NRM: variants seen among roughly 807,000 people sequenced by gnomAD.
The protein encoded by NRM is nuclear rim protein.
A neutral mutation model predicts 23.4 loss-of-function variants in NRM; 19 were observed. That is an observed-to-expected ratio of 0.81 (90% confidence interval 0.57 to 1.19). The LOEUF (loss-of-function observed/expected upper bound fraction) is 1.19. Among genes scored for constraint, NRM ranks in the 50% most tolerant of loss-of-function variants. The pLI, the probability that NRM is intolerant of heterozygous loss-of-function variation, is 0.00. For missense variants in NRM, 232 were observed against 329.7 expected, an observed-to-expected ratio of 0.70 and a Z score of 2.30; for synonymous variants, 140 against 143.5, an observed-to-expected ratio of 0.98 and a Z score of 0.17.
Position 30,690,726 on chromosome 6 carries a change from G to A in NRM, c.133+116C>T. ...CTGTAGCTTCTCGGCCGCTTTCAAGGTTCGAGTTCCCTCTCTTGGACTTCC... is the reference window on the plus strand; with the variant it reads ...CTGTAGCTTCTCGGCCGCTTTCAAGATTCGAGTTCCCTCTCTTGGACTTCC... On this transcript the variant is annotated intron_variant, in intron 1 of 3. Coordinates refer to ENST00000376421, the MANE Select transcript of NRM (RefSeq NM_001384369.1). This position sits in a 1 kb window ranked among gnomAD's most constrained non-coding sequence, Gnocchi z 5.5. The A allele has an allele frequency of 6.2e-7, 1 of 1,611,128 alleles. No homozygotes were observed. The highest frequency in any genetic ancestry group is 8.5e-7 in the Non-Finnish European group (1 of 1,179,340).
In NRM at chr6:30,690,743, T is replaced by C. The variant is rs760441650; in HGVS notation, c.133+99A>G. 3.7e-6 allele frequency: 6 copies of C among 1,611,492 alleles called. No homozygotes were observed. The highest frequency in any genetic ancestry group is 2.7e-5 in the African/African-American group (2 of 74,998). On this transcript the variant is annotated intron_variant, in intron 1 of 3. Coordinates refer to ENST00000376421, the MANE Select transcript of NRM (RefSeq NM_001384369.1). This position sits in a 1 kb window ranked among gnomAD's most constrained non-coding sequence, Gnocchi z 5.5. ...CTTTCAAGGTTCGAGTTCCCTCTCT[T>C]GGACTTCCCCTGTCATTTGTTTCCA...
upstream of NRM, chr6:30,691,048 C>A: frequency 6.6e-7 from 1 of 1,515,598 alleles, no homozygotes; most frequent in South Asian, 1.2e-5. Context: ...CGCGGCCCCG[C>A]CCCCGGCTGA....
chr6:30,689,583 C>T lies in NRM; in HGVS notation c.331-131G>A. 1.1e-6 allele frequency: 1 copy of T among 911,354 alleles called. No homozygotes were observed. The highest frequency in any genetic ancestry group is 1.6e-6 in the Non-Finnish European group (1 of 614,736). 56.5% of individuals were successfully genotyped at this position (911,354 alleles called of 1,614,324 possible). On this transcript the variant is annotated intron_variant, in intron 2 of 3. Coordinates refer to ENST00000376421, the MANE Select transcript of NRM (RefSeq NM_001384369.1). The surrounding 1 kb of genome is among the most constrained non-coding windows in gnomAD (Gnocchi z 4.7). ...CCACCTCTCTCCTAAGCATCACCAC[C>T]AAATATTCACCATGTGGAGGGTGCG... is the stretch of plus-strand genomic sequence containing the variant.
Position 30,689,423 on chromosome 6 carries a change from G to A in NRM, c.360C>T (p.Pro120=). The change falls in exon 3 of 4, where the codon CCC becomes CCT. Residue 120 remains proline, a synonymous_variant. Coordinates refer to ENST00000376421, the MANE Select transcript of NRM (RefSeq NM_001384369.1). The surrounding 1 kb of genome is among the most constrained non-coding windows in gnomAD (Gnocchi z 4.7). ...GAGCCTCCCACAACACAGGGCCTTTGGGTATGGGCTCCCAGTACCGCATCA... is the reference window on the plus strand; with the variant it reads ...GAGCCTCCCACAACACAGGGCCTTTAGGTATGGGCTCCCAGTACCGCATCA... ...QLVMRYWEPI[P]KGPVLWEARA... 6.3e-7 allele frequency: 1 copy of A among 1,576,030 alleles called. No individual in the cohort carries two copies. The highest frequency in any genetic ancestry group is 8.6e-7 in the Non-Finnish European group (1 of 1,161,116).
chr6:30,689,438 G>A lies in NRM; in HGVS notation c.345C>T (p.Tyr115=). ...TALALQLVMR[Y]WEPIPKGPVL... The stretch of plus-strand genomic sequence containing the variant: ...CAGGGCCTTTGGGTATGGGCTCCCA[G>A]TACCGCATCACCAGCTGTGGAAGGA... The change falls in exon 3 of 4, where the codon TAC becomes TAT. Residue 115 remains tyrosine (Y), a synonymous_variant. Coordinates refer to ENST00000376421, the MANE Select transcript of NRM (RefSeq NM_001384369.1). This position sits in a 1 kb window ranked among gnomAD's most constrained non-coding sequence, Gnocchi z 4.7. The A allele has an allele frequency of 6.3e-7, 1 of 1,575,156 alleles. No individual in the cohort carries two copies. The highest frequency in any genetic ancestry group is 2.4e-5 in the East Asian group (1 of 42,532).
chr6:30,691,206 CGA>C (rs1037462319), upstream of NRM: 8 of 516,930 alleles, frequency 1.5e-5, no homozygotes, highest in Non-Finnish European at 2.4e-5. Context: ...GTTAGAATCC[CGA>C]GAGAGAGCTG....
Position 30,689,483 on chromosome 6 carries a change from G to T in NRM, c.331-31C>A. On this transcript the variant is annotated intron_variant, in intron 2 of 3. Transcript: ENST00000376421. This position sits in a 1 kb window ranked among gnomAD's most constrained non-coding sequence, Gnocchi z 4.7. The stretch of plus-strand genomic sequence containing the variant: ...GAAGGATAAGGGGCTGGGTATCCCA[G>T]TGGCCTAGTCTGCCCGACCTTGGGA... The T allele has an allele frequency of 1.3e-6, 2 of 1,541,472 alleles. No individual in the cohort carries two copies. The highest frequency in any genetic ancestry group is 1.8e-6 in the Non-Finnish European group (2 of 1,142,742).
Position 30,689,293 on chromosome 6 carries a change from G to A in NRM, c.490C>T (p.Leu164Phe). 1.3e-6 allele frequency: 2 copies of A among 1,554,326 alleles called. No homozygotes were observed. Among genetic ancestry groups the A allele is most frequent in the Non-Finnish European group, 1.7e-6 (2 of 1,148,332 alleles). ...AGCCTCACCTGTTTGAGGCCCATGA[G>A]CTCAGCATAGTCAAAGACGAGAAGG... is the stretch of plus-strand genomic sequence containing the variant. Reference protein sequence around the residue: ...SILLVFDYAELMGLKQVYYHV... With the variant: ...SILLVFDYAEFMGLKQVYYHV... The change falls in exon 3 of 4, where the codon CTC becomes TTC. Residue 164 changes from leucine (L) to phenylalanine (F), a missense_variant. By Grantham distance (22) the Leu-to-Phe change is conservative (BLOSUM62 0). Coordinates refer to ENST00000376421, the MANE Select transcript of NRM (RefSeq NM_001384369.1). The surrounding 1 kb of genome is among the most constrained non-coding windows in gnomAD (Gnocchi z 4.7).
Position 30,690,321 on chromosome 6 carries a change from G to T in NRM, c.134-78C>A. The T allele has an allele frequency of 7.6e-7, 1 of 1,310,984 alleles. No individual in the cohort carries two copies. The highest frequency in any genetic ancestry group is 1.0e-6 in the Non-Finnish European group (1 of 961,596). 81.2% of individuals were successfully genotyped at this position (1,310,984 alleles called of 1,614,324 possible). On this transcript the variant is annotated intron_variant, in intron 1 of 3. Transcript: ENST00000376421. This position sits in a 1 kb window ranked among gnomAD's most constrained non-coding sequence, Gnocchi z 5.5. ...TTTCCCCCACCCTCATCTCCTCTTG[G>T]ATCCCCAGGCCATGTCCCTTACTGC... is the stretch of plus-strand genomic sequence containing the variant.
upstream of NRM, chr6:30,691,187 G>C: frequency 1.8e-6 from 1 of 545,946 alleles, no homozygotes; most frequent in East Asian, 3.0e-5. Context: ...CTCCGTCACA[G>C]AAGGGAATGT....
upstream of NRM, chr6:30,691,145 C>A: frequency 1.5e-6 from 1 of 668,418 alleles, no homozygotes; most frequent in East Asian, 2.8e-5. Context: ...GCTGTGGATC[C>A]GTCCTGGGAT....
At position 30,689,559 on chromosome 6, in the gene NRM, C is replaced by T. The variant is rs546598428; in HGVS notation, c.331-107G>A. On this transcript the variant is annotated intron_variant, in intron 2 of 3. Transcript: ENST00000376421. The surrounding 1 kb of genome is among the most constrained non-coding windows in gnomAD (Gnocchi z 4.7). Reference sequence around the variant, plus strand: ...CACAGGCTAGCCTGCAACTCTCCCCCACCTCTCTCCTAAGCATCACCACCA... The same window carrying T: ...CACAGGCTAGCCTGCAACTCTCCCCTACCTCTCTCCTAAGCATCACCACCA... 102 of 1,111,336 alleles carry T rather than the reference C, an allele frequency of 9.2e-5. No individual in the cohort carries two copies. In the South Asian group the frequency reaches 1.5e-3, roughly 16 times the overall value. 68.8% of individuals were successfully genotyped at this position (1,111,336 alleles called of 1,614,324 possible). A position where few individuals can be genotyped will look rare whatever the true frequency, so the allele number is the denominator to read the frequency against.
rs1771307995 is a variant in NRM, at chr6:30,689,233, TA to T, written c.507+42del. 4 of 1,523,634 alleles carry T rather than the reference TA, an allele frequency of 2.6e-6. No homozygotes were observed. The highest frequency in any genetic ancestry group is 3.5e-6 in the Non-Finnish European group (4 of 1,128,166). 94.4% of individuals were successfully genotyped at this position (1,523,634 alleles called of 1,614,324 possible). A position where few individuals can be genotyped will look rare whatever the true frequency, so the allele number is the denominator to read the frequency against. On this transcript the variant is annotated intron_variant, in intron 3 of 3. Transcript: ENST00000376421. This position sits in a 1 kb window ranked among gnomAD's most constrained non-coding sequence, Gnocchi z 4.7. ...ACCCTTGAAAGGGAACGAGGAGTTC[TA>T]AAATGGGTCAGAGGTCATAGGTAGG... is the stretch of plus-strand genomic sequence containing the variant.
chr6:30,689,232 C>T lies in NRM; in HGVS notation c.507+44G>A, dbSNP rs373896144. On this transcript the variant is annotated intron_variant, in intron 3 of 3. Transcript: ENST00000376421. The surrounding 1 kb of genome is among the most constrained non-coding windows in gnomAD (Gnocchi z 4.7). ...AACCCTTGAAAGGGAACGAGGAGTT[C>T]TAAAATGGGTCAGAGGTCATAGGTA... is the stretch of plus-strand genomic sequence containing the variant. 4 of 1,522,102 alleles carry T rather than the reference C, an allele frequency of 2.6e-6. No homozygotes were observed. The African/African-American group carries it at 5.5e-5, about 21-fold the overall frequency. 94.3% of individuals were successfully genotyped at this position (1,522,102 alleles called of 1,614,324 possible).
Position 30,689,379 on chromosome 6 carries a change from G to A in NRM, c.404C>T (p.Thr135Ile). Residue 135 changes from threonine (T) to isoleucine (I), a missense_variant, in exon 3 of 4, where the codon ACC becomes ATC. Coordinates refer to ENST00000376421, the MANE Select transcript of NRM (RefSeq NM_001384369.1). This position sits in a 1 kb window ranked among gnomAD's most constrained non-coding sequence, Gnocchi z 4.7. ...LWEARAEPWA[T>I]WVPLLCFVLH... ...CACAAAGCAGAGGAGCGGCACCCAG[G>A]TGGCCCATGGCTCAGCCCGAGCCTC... 2 of 1,563,680 alleles carry A rather than the reference G, an allele frequency of 1.3e-6. No individual in the cohort carries two copies. Among genetic ancestry groups the A allele is most frequent in the Non-Finnish European group, 1.7e-6 (2 of 1,153,884 alleles).
In NRM at chr6:30,688,875, A is replaced by G; in HGVS notation, c.575T>C (p.Phe192Ser). The G allele has an allele frequency of 6.2e-7, 1 of 1,613,818 alleles. No individual in the cohort carries two copies. The highest frequency in any genetic ancestry group is 1.3e-5 in the African/African-American group (1 of 74,922). The change falls in exon 4 of 4, where the codon TTC (phenylalanine) becomes TCC (serine). Residue 192 changes from phenylalanine to serine, a missense_variant. Coordinates refer to ENST00000376421, the MANE Select transcript of NRM (RefSeq NM_001384369.1). The surrounding 1 kb of genome is among the most constrained non-coding windows in gnomAD (Gnocchi z 5.9). ...ALKSPRALRLFSHLRHPVCVE... is the reference protein window; with the variant it reads ...ALKSPRALRLSSHLRHPVCVE... ...ACACACTGGGTGGCGCAGGTGGGAG[A>G]AGAGTCTGAGAGCCCGGGGAGACTT...
At chr6:30,691,079 G>A, upstream of NRM, 1 of 1,306,316 alleles carries the variant, frequency 7.7e-7, no homozygotes, top group Non-Finnish European at 1.0e-6. Context: ...GGAGGGCGGG[G>A]CTCCTGCACG....
chr6:30,689,465 A>G lies in NRM; in HGVS notation c.331-13T>C, dbSNP rs746383777. The G allele has an allele frequency of 4.5e-6, 7 of 1,560,696 alleles. No homozygotes were observed. The Admixed American group carries it at 1.1e-4, about 25-fold the overall frequency. On this transcript the variant is annotated splice_polypyrimidine_tract_variant and intron_variant, in intron 2 of 3. Coordinates refer to ENST00000376421, the MANE Select transcript of NRM (RefSeq NM_001384369.1). This position sits in a 1 kb window ranked among gnomAD's most constrained non-coding sequence, Gnocchi z 4.7. ...ACCGCATCACCAGCTGTGGAAGGAT[A>G]AGGGGCTGGGTATCCCAGTGGCCTA...
In NRM at chr6:30,689,861, C is replaced by CAAGT. The variant is rs1387300629; in HGVS notation, c.330+182_330+185dup. ...AGCATATCTTGTGCTTAGGGAAGGA[C>CAAGT]AAGTACACCCTTCTTGATAAAAAGT... On this transcript the variant is annotated intron_variant, in intron 2 of 3. Coordinates refer to ENST00000376421, the MANE Select transcript of NRM (RefSeq NM_001384369.1). This position sits in a 1 kb window ranked among gnomAD's most constrained non-coding sequence, Gnocchi z 4.7. Among the ~76,000 whole-genome samples the CAAGT allele has an allele frequency of 6.6e-6, 1 of 152,164 alleles. No homozygotes were observed. The highest frequency in any genetic ancestry group is 1.5e-5 in the Non-Finnish European group (1 of 68,034).
Sources: gnomAD v4.1 joint callset for allele counts (sites outside exome capture counted in the v4.1 genomes callset) on GRCh38, gnomAD v4.1.1 for gene constraint, Gnocchi (gnomAD v3.1) non-coding constraint, MANE v1.5 for transcripts, NCBI Gene and HGNC (gene_info 2026-07-23, HGNC 2026-07-21) for gene names.